Variants in PRKN observed in about 807,000 individuals in gnomAD.
PRKN encodes E3 ubiquitin-protein ligase parkin.
In PRKN, 56 loss-of-function variants were observed where a neutral mutation model predicts 59.5. The ratio of observed to expected loss-of-function variants is 0.94; its 90% CI spans 0.76 to 1.18. The LOEUF (loss-of-function observed/expected upper bound fraction) is 1.18. Among genes scored for constraint, PRKN ranks in the 50% most tolerant of loss-of-function variants. The pLI is 0.00. For synonymous variants in PRKN, 250 were observed against 222.1 expected (o/e 1.13, Z -1.12); for missense variants, 657 against 596.4 (o/e 1.10, Z -1.06).
rs1160114203 is a variant in PRKN at position 161,527,005 on chromosome 6, TAGAA to T, written c.1083+21845_1083+21848del. Among the ~76,000 whole-genome samples the T allele has an allele frequency of 1.3e-5, 2 of 152,174 alleles. No individual in the cohort carries two copies. The highest frequency in any genetic ancestry group is 2.1e-4 in the South Asian group (1 of 4,832). On this transcript the variant is annotated intron_variant, in intron 9 of 11. Transcript: ENST00000366898. This position sits in a 1 kb window ranked among gnomAD's most constrained non-coding sequence, Gnocchi z 4.6. ...AACAAAGGCTATCTTGTTATACCGA[TAGAA>T]AGCCTCAGGAGTAGTAAAAGTTGTT...
At chr6:162,065,554 CTTT>C (rs76912779) in intron 4 of PRKN, among the ~76,000 whole-genome samples, 1 of 142,862 alleles carries the variant, frequency 7.0e-6, no homozygotes. Context: ...TTTTCTTTTT[CTTT>C]TTTTTTTTTG....
chr6:162,096,438 G>A (rs1779733427), intron 4 of PRKN, among the ~76,000 whole-genome samples: 1 of 152,160 alleles, frequency 6.6e-6, no homozygotes, highest in Non-Finnish European at 1.5e-5. Context: ...CACTTACAAA[G>A]CACTCCTATT....
intron 6 of PRKN, among the ~76,000 whole-genome samples, chr6:161,877,062 C>T (rs574452779): frequency 2.4e-3 from 371 of 152,258 alleles, no homozygotes; most frequent in Non-Finnish European, 3.5e-3. Flanking sequence ...TCACAATGGA[C>T]GCAAATGATT....
intron 1 of PRKN, among the ~76,000 whole-genome samples, chr6:162,663,020 G>T (rs1247057080): frequency 2.6e-5 from 4 of 152,098 alleles, no homozygotes; most frequent in African/African-American, 9.7e-5. Context: ...TCTTGCACTG[G>T]GAGAACAAGG....
intron 7 of PRKN, among the ~76,000 whole-genome samples, chr6:161,750,118 T>TATATATATATATATATATATATAC (rs1269147499): frequency 1.2e-4 from 17 of 137,824 alleles, no homozygotes; most frequent in Middle Eastern, 3.8e-3. Context: ...TATATATATA[T>TATATATATATATATATATATATAC]ACACACACAC....
At chr6:161,768,235 C>T (rs1562668406) in intron 7 of PRKN, among the ~76,000 whole-genome samples, 2 of 152,082 alleles carry the variant, frequency 1.3e-5, no homozygotes, top group African/African-American at 4.8e-5. Flanking sequence ...TTTGGGATGG[C>T]TCAAATGCAT....
chr6:162,174,621 T>C (rs768999862), intron 4 of PRKN, among the ~76,000 whole-genome samples: 5 of 152,228 alleles, frequency 3.3e-5, no homozygotes, highest in Non-Finnish European at 7.3e-5. Flanking sequence ...CAAATCACTA[T>C]CTATTTTGGC....
At chr6:162,631,904 C>G (rs1783122835) in intron 1 of PRKN, among the ~76,000 whole-genome samples, 2 of 150,928 alleles carry the variant, frequency 1.3e-5, no homozygotes, top group Non-Finnish European at 2.9e-5. Context: ...TGCATACAGC[C>G]AGTTAATCAA....
intron 4 of PRKN, among the ~76,000 whole-genome samples, chr6:162,177,744 A>G (rs1783605765): frequency 6.6e-6 from 1 of 152,230 alleles, no homozygotes; most frequent in Non-Finnish European, 1.5e-5. Context: ...CATTTAATAA[A>G]GAAAACAAAT....
rs376377515 is a variant in PRKN at position 161,442,908 on chromosome 6, C to T, written c.1084-56031G>A. 2.5e-4 allele frequency among the ~76,000 whole-genome samples: 38 copies of T among 152,312 alleles called. No homozygotes were observed. In the East Asian group the frequency reaches 5.6e-3, roughly 22 times the overall value. ...CTCTCACTTACTGCCAATGTGTCCA[C>T]GCTGCTCCTCAGGCAAGCCATTCTC... On this transcript the variant is annotated intron_variant, in intron 9 of 11. Coordinates refer to ENST00000366898, the MANE Select transcript of PRKN (RefSeq NM_004562.3). The surrounding 1 kb of genome is among the most constrained non-coding windows in gnomAD (Gnocchi z 4.6).
chr6:162,609,332 G>GA (rs1383351091), intron 1 of PRKN, among the ~76,000 whole-genome samples: 14 of 152,178 alleles, frequency 9.2e-5, no homozygotes, highest in African/African-American at 3.4e-4. Context: ...AGTAACCCAC[G>GA]AAAGTGGGAA....
At chr6:162,599,669 G>A (rs1427346605) in intron 1 of PRKN, among the ~76,000 whole-genome samples, 4 of 152,132 alleles carry the variant, frequency 2.6e-5, no homozygotes, top group Admixed American at 6.5e-5. Flanking sequence ...CAGGGTACAC[G>A]ACAGCACACG....
intron 1 of PRKN, among the ~76,000 whole-genome samples, chr6:162,718,621 G>C (rs1305948233): frequency 7.9e-5 from 12 of 152,144 alleles, no homozygotes; most frequent in African/African-American, 2.9e-4. Context: ...GCTGAGGCAG[G>C]AGAATGGCGT....
At position 161,973,475 on chromosome 6, in the gene PRKN, A is replaced by C; in HGVS notation, c.619-58T>G. The C allele has an allele frequency of 5.4e-6, 5 of 919,626 alleles. No homozygotes were observed. In the South Asian group the frequency reaches 6.7e-5, roughly 12 times the overall value. 57.0% of individuals were successfully genotyped at this position (919,626 alleles called of 1,614,324 possible). A position where few individuals can be genotyped will look rare whatever the true frequency, so the allele number is the denominator to read the frequency against. On this transcript the variant is annotated intron_variant, in intron 5 of 11. Transcript: ENST00000366898. ...GATCCCGGCTGCTCATTTTTCCTCT[A>C]AATGTTTCCACAGTAAACAATCTCT...
intron 4 of PRKN, among the ~76,000 whole-genome samples, chr6:162,190,228 T>C (rs1784214778): frequency 6.6e-6 from 1 of 152,308 alleles, no homozygotes; most frequent in South Asian, 2.1e-4. Context: ...TCATATTCTA[T>C]GAGCATTTCC....
intron 6 of PRKN, among the ~76,000 whole-genome samples, chr6:161,791,493 A>G (rs986793340): frequency 2.0e-5 from 3 of 152,184 alleles, no homozygotes; most frequent in Non-Finnish European, 4.4e-5. Flanking sequence ...CCTCCTTCAC[A>G]CACTCTCTGG....
intron 6 of PRKN, among the ~76,000 whole-genome samples, chr6:161,898,539 T>G (rs996966582): frequency 6.6e-6 from 1 of 152,150 alleles, no homozygotes; most frequent in Non-Finnish European, 1.5e-5. Context: ...ACAGCCATCG[T>G]TTATGGGAAA....
chr6:162,147,107 G>A (rs1428254602), intron 4 of PRKN, among the ~76,000 whole-genome samples: 2 of 150,672 alleles, frequency 1.3e-5, no homozygotes, highest in Admixed American at 6.6e-5. Flanking sequence ...TTGGGAGGCT[G>A]AGGTGGGAGG....
At chr6:161,966,158 A>T (rs1339477207) in intron 6 of PRKN, among the ~76,000 whole-genome samples, 1 of 151,992 alleles carries the variant, frequency 6.6e-6, no homozygotes. Context: ...TCCCGAAGTC[A>T]GTTTGGAAAG....
Sources: allele counts gnomAD v4.1 joint callset (sites outside exome capture counted in the v4.1 genomes callset), GRCh38; gene constraint gnomAD v4.1.1; non-coding constraint Gnocchi (gnomAD v3.1); transcripts MANE v1.5; gene names NCBI Gene and HGNC (gene_info 2026-07-23, HGNC 2026-07-21).